SNAPC3: variants seen among roughly 807,000 people sequenced by gnomAD.
SNAPC3 encodes small nuclear RNA activating complex polypeptide 3.
A neutral mutation model predicts 47.7 loss-of-function variants in SNAPC3; 56 were observed. That is an observed-to-expected ratio of 1.18 (90% CI 0.95 to 1.47). The LOEUF is 1.47. Ranked by LOEUF, SNAPC3 falls within the 40% of genes most tolerant of loss-of-function variation. SNAPC3 has a pLI of 0.00. For missense variants in SNAPC3, 665 were observed against 511.3 expected, an observed-to-expected ratio of 1.30 and a Z score of -2.90; for synonymous variants, 235 against 189.9, an observed-to-expected ratio of 1.24 and a Z score of -1.95.
chr9:15,456,566 G>A (rs182701300), intron 7 of SNAPC3, among the ~76,000 whole-genome samples: 1 of 151,936 alleles, frequency 6.6e-6, no homozygotes, highest in Non-Finnish European at 1.5e-5. Flanking sequence ...CTCCTGGGCT[G>A]AAGTAGTCGT....
chr9:15,423,185 G>T lies in SNAPC3; in HGVS notation c.306G>T (p.Ala102=). 6.3e-7 allele frequency: 1 copy of T among 1,577,386 alleles called. No individual in the cohort carries two copies. Among genetic ancestry groups the T allele is most frequent in the African/African-American group, 1.4e-5 (1 of 72,836 alleles). Residue 102 remains alanine, a synonymous_variant, in exon 1 of 9, where the codon GCG becomes GCT. Transcript: ENST00000380821. ...TGGAGGCGGCGGCTGAGCTGAGGGC[G>T]GTGTGCGGGTGAGTGCGGAGCAAAG... ...CSLEAAAELR[A]VCGLDKLKCL...
intron 3 of SNAPC3, among the ~76,000 whole-genome samples, chr9:15,442,485 C>T (rs1413406353): frequency 6.6e-6 from 1 of 151,284 alleles, no homozygotes; most frequent in African/African-American, 2.4e-5. Context: ...GGGCTCCTCA[C>T]TTCTCAGACC....
intron 3 of SNAPC3, among the ~76,000 whole-genome samples, chr9:15,440,965 A>C (rs1439485216): frequency 6.6e-6 from 1 of 151,384 alleles, no homozygotes; most frequent in East Asian, 1.9e-4. Context: ...AAAAAAAAAA[A>C]AATTGGTCAG....
intron 5 of SNAPC3, among the ~76,000 whole-genome samples, chr9:15,448,873 A>C (rs777824661): frequency 2.6e-5 from 4 of 151,784 alleles, no homozygotes; most frequent in Non-Finnish European, 5.9e-5. Flanking sequence ...GCGATGATGC[A>C]ATCTCGGCTC....
rs760395619 is a variant in SNAPC3 at position 15,423,153 on chromosome 9, T to G, written c.274T>G (p.Cys92Gly). ...TGCCGCGGTGGCCAGGGATCTGGAC[T>G]GCAGCCTGGAGGCGGCGGCTGAGCT... Reference protein sequence around the residue: ...EDAAVARDLDCSLEAAAELRA... With the variant: ...EDAAVARDLDGSLEAAAELRA... The change falls in exon 1 of 9, where the codon TGC becomes GGC. Residue 92 changes from cysteine (C) to glycine (G), a missense_variant. Cys to Gly is a radical substitution (Grantham distance 159, BLOSUM62 -3). Coordinates refer to ENST00000380821, the MANE Select transcript of SNAPC3 (RefSeq NM_001039697.2). The G allele has an allele frequency of 6.4e-7, 1 of 1,574,794 alleles. No individual in the cohort carries two copies. Among genetic ancestry groups the G allele is most frequent in the Admixed American group, 2.0e-5 (1 of 50,676 alleles).
chr9:15,442,901 G>A (rs1051413090), intron 3 of SNAPC3, among the ~76,000 whole-genome samples: 19 of 152,248 alleles, frequency 1.2e-4, no homozygotes, highest in African/African-American at 3.9e-4. Context: ...GAGTGAAGGA[G>A]ACTCCGTCTG....
chr9:15,431,680 T>G (rs1000789793), intron 2 of SNAPC3, among the ~76,000 whole-genome samples: 1 of 152,120 alleles, frequency 6.6e-6, no homozygotes, highest in African/African-American at 2.4e-5. Flanking sequence ...AGTGACACTT[T>G]TGACTCTTAG....
At chr9:15,448,685 A>G (rs1362196171) in intron 5 of SNAPC3, among the ~76,000 whole-genome samples, 2 of 152,234 alleles carry the variant, frequency 1.3e-5, no homozygotes, top group East Asian at 3.8e-4. Context: ...CTGTTGAGTT[A>G]TGCTGAAAAT....
intron 5 of SNAPC3, 55 bp from the exon 6 acceptor site, chr9:15,451,265 A>G: frequency 1.4e-6 from 1 of 701,006 alleles, no homozygotes; most frequent in Admixed American, 2.5e-5. Flanking sequence ...TACTTAGAGC[A>G]ATTTCATCAT....
intron 8 of SNAPC3, among the ~76,000 whole-genome samples, 161 bp downstream of exon 8, chr9:15,458,228 C>G (rs1055829601): frequency 1.3e-5 from 2 of 152,012 alleles, no homozygotes; most frequent in Admixed American, 1.3e-4. Flanking sequence ...TGAGTTAAAA[C>G]TAACATTCTT....
chr9:15,427,938 C>T (rs1413293568), intron 2 of SNAPC3, among the ~76,000 whole-genome samples: 1 of 151,890 alleles, frequency 6.6e-6, no homozygotes, highest in African/African-American at 2.4e-5. Context: ...TGGTGAAACC[C>T]CACCTCTACT....
chr9:15,423,317 C>A lies in SNAPC3; in HGVS notation c.314+124C>A, dbSNP rs564794445. The A allele has an allele frequency of 3.7e-5, 37 of 990,322 alleles. No individual in the cohort carries two copies. The South Asian group carries it at 6.3e-4, about 17-fold the overall frequency. 61.3% of individuals were successfully genotyped at this position (990,322 alleles called of 1,614,324 possible). ...GTTTAGACCTGGGCTAGGAGTATTA[C>A]CCTTTAAAGCTTTCAACCCGCTGGA... On this transcript the variant is annotated intron_variant, in intron 1 of 8. Transcript: ENST00000380821.
intron 2 of SNAPC3, among the ~76,000 whole-genome samples, chr9:15,431,623 T>G (rs1587191149): frequency 2.0e-5 from 3 of 150,328 alleles, no homozygotes; most frequent in South Asian, 2.1e-4. Flanking sequence ...GGGAAAGGGG[T>G]GGAAAGAAGG....
intron 2 of SNAPC3, among the ~76,000 whole-genome samples, chr9:15,433,137 A>T (rs544684579): frequency 1.5e-4 from 23 of 152,318 alleles, no homozygotes; most frequent in Admixed American, 8.5e-4. Flanking sequence ...CATTCTATAA[A>T]ATAACTGATT....
chr9:15,441,692 C>T (rs1243820364), intron 3 of SNAPC3, among the ~76,000 whole-genome samples: 1 of 152,108 alleles, frequency 6.6e-6, no homozygotes, highest in Non-Finnish European at 1.5e-5. Context: ...GCACATGTTT[C>T]AGAGAGCAGG....
At chr9:15,441,847 C>T (rs2033414767) in intron 3 of SNAPC3, among the ~76,000 whole-genome samples, 1 of 152,214 alleles carries the variant, frequency 6.6e-6, no homozygotes, top group Non-Finnish European at 1.5e-5. Flanking sequence ...CCCACATTTC[C>T]CCCTTTTCTA....
intron 3 of SNAPC3, among the ~76,000 whole-genome samples, chr9:15,441,548 T>C (rs1358347485): frequency 3.3e-5 from 5 of 151,882 alleles, no homozygotes; most frequent in Admixed American, 6.6e-5. Flanking sequence ...TGCGGCCTTC[T>C]GCAGTGTTTG....
At chr9:15,434,686 G>A (rs547046453) in intron 3 of SNAPC3, among the ~76,000 whole-genome samples, 35 of 152,194 alleles carry the variant, frequency 2.3e-4, no homozygotes, top group African/African-American at 8.2e-4. Context: ...GATTACAGTC[G>A]TGAGCCACAG....
intron 3 of SNAPC3, among the ~76,000 whole-genome samples, chr9:15,436,624 G>A (rs1042313917): frequency 1.3e-5 from 2 of 152,088 alleles, no homozygotes; most frequent in African/African-American, 4.8e-5. Flanking sequence ...TGACTATTCA[G>A]AGTCCCTTGA....
Sources: allele counts gnomAD v4.1 joint callset (sites outside exome capture counted in the v4.1 genomes callset), GRCh38; gene constraint gnomAD v4.1.1; transcripts MANE v1.5; gene names NCBI Gene and HGNC (gene_info 2026-07-23, HGNC 2026-07-21).